The following CNTN4 variants were observed in gnomAD, a reference collection of about 807,000 sequenced individuals.
CNTN4 encodes contactin-4.
In CNTN4, 77 loss-of-function variants were observed where a neutral mutation model predicts 122.5. That is an observed-to-expected ratio of 0.63 (90% CI 0.52 to 0.76). CNTN4 has a LOEUF of 0.76. Ranked by LOEUF, CNTN4 falls within the 30% of genes least tolerant of loss-of-function variation. The pLI, the probability that CNTN4 is intolerant of heterozygous loss-of-function variation, is 0.00. For synonymous variants in CNTN4, 512 were observed against 447.0 expected (o/e 1.15, Z -1.83); for missense variants, 1,256 against 1,259.1 (o/e 1.00, Z 0.04).
chr3:2,190,113 T>A lies in CNTN4; in HGVS notation c.-145+89474T>A, dbSNP rs184245709. 2.0e-5 allele frequency among the ~76,000 whole-genome samples: 3 copies of A among 152,350 alleles called. No homozygotes were observed. In the East Asian group the frequency reaches 5.8e-4, roughly 29 times the overall value. On this transcript the variant is annotated intron_variant, in intron 2 of 24. Transcript: ENST00000418658. ...CCCCAGAGTCCTCTGTGAGTTTATG[T>A]GTGAGCGTTGGCAAGAAGCTTTCTG...
intron 2 of CNTN4, among the ~76,000 whole-genome samples, chr3:2,145,428 C>T (rs2035199255): frequency 6.6e-6 from 1 of 152,166 alleles, no homozygotes; most frequent in Non-Finnish European, 1.5e-5. Flanking sequence ...TCCTTCAGGA[C>T]TGAGATTCAA....
chr3:2,623,228 CTAAT>C (rs2082057181), intron 4 of CNTN4, among the ~76,000 whole-genome samples: 1 of 114,036 alleles, frequency 8.8e-6, no homozygotes, highest in Non-Finnish European at 1.7e-5. Context: ...TTTATGGAGA[CTAAT>C]TTTTTTTTTT....
At chr3:2,312,249 G>A (rs2042942320) in intron 2 of CNTN4, among the ~76,000 whole-genome samples, 1 of 151,912 alleles carries the variant, frequency 6.6e-6, no homozygotes, top group Admixed American at 6.6e-5. Flanking sequence ...AATCACAACA[G>A]GATGGCAGGT....
At chr3:2,305,807 C>T (rs550917510) in intron 2 of CNTN4, among the ~76,000 whole-genome samples, 37 of 152,304 alleles carry the variant, frequency 2.4e-4, no homozygotes, top group Middle Eastern at 6.8e-3. Flanking sequence ...TGTCCATCAA[C>T]TCCTAACAAC....
At chr3:2,705,621 A>T (rs1393067535) in intron 4 of CNTN4, among the ~76,000 whole-genome samples, 1 of 29,860 alleles carries the variant, frequency 3.3e-5, no homozygotes, top group African/African-American at 1.4e-4. Flanking sequence ...ATTTATATAT[A>T]ATATATAAAT....
chr3:2,831,621 A>G (rs1360612503), intron 7 of CNTN4, among the ~76,000 whole-genome samples: 1 of 152,216 alleles, frequency 6.6e-6, no homozygotes, highest in Non-Finnish European at 1.5e-5. Flanking sequence ...AGGTTAACAC[A>G]TTATCACAAT....
chr3:2,585,251 C>G (rs906406646), intron 4 of CNTN4, among the ~76,000 whole-genome samples: 2 of 151,812 alleles, frequency 1.3e-5, no homozygotes, highest in African/African-American at 4.8e-5. Context: ...GGACTGTAAA[C>G]TAGTTCAACC....
At chr3:2,652,194 C>G (rs1240530172) in intron 4 of CNTN4, among the ~76,000 whole-genome samples, 1 of 152,008 alleles carries the variant, frequency 6.6e-6, no homozygotes, top group African/African-American at 2.4e-5. Flanking sequence ...TGCACTGCAG[C>G]CTGGGCAACA....
At chr3:2,141,571 C>G (rs2034997882) in intron 2 of CNTN4, among the ~76,000 whole-genome samples, 1 of 152,130 alleles carries the variant, frequency 6.6e-6, no homozygotes, top group South Asian at 2.1e-4. Flanking sequence ...CTTTAAATTA[C>G]TACATTTGTG....
chr3:2,555,965 TAGAC>T (rs1303121433), intron 3 of CNTN4, among the ~76,000 whole-genome samples: 2 of 152,136 alleles, frequency 1.3e-5, no homozygotes, highest in African/African-American at 4.8e-5. Flanking sequence ...GTTCATCCCT[TAGAC>T]AGATAAGGTG....
chr3:2,245,508 A>G lies in CNTN4; in HGVS notation c.-144-93670A>G, dbSNP rs558733247. Among the ~76,000 whole-genome samples the G allele has an allele frequency of 3.3e-5, 5 of 152,168 alleles. No homozygotes were observed. The East Asian group carries it at 9.7e-4, about 29-fold the overall frequency. The stretch of plus-strand genomic sequence containing the variant: ...TGACCCAGAGGGTGATTGTCCTGCT[A>G]TACTTAATTTTCCAATAACTCCTAT... On this transcript the variant is annotated intron_variant, in intron 2 of 24. Transcript: ENST00000418658.
chr3:2,805,260 C>A (rs12638852), intron 6 of CNTN4, among the ~76,000 whole-genome samples: 38,275 of 151,650 alleles, frequency 0.25, 6,003 homozygotes, highest in East Asian at 0.44. Context: ...AAGCCTGTGG[C>A]AATTCAAGTG....
chr3:3,034,956 T>C (rs1433788784), intron 17 of CNTN4, among the ~76,000 whole-genome samples, 166 bp downstream of exon 17: 1 of 152,194 alleles, frequency 6.6e-6, no homozygotes, highest in Non-Finnish European at 1.5e-5. Flanking sequence ...TATTTTTCTT[T>C]ATATCAAATC....
intron 2 of CNTN4, among the ~76,000 whole-genome samples, chr3:2,138,101 C>G (rs1040171838): frequency 2.0e-5 from 3 of 147,942 alleles, no homozygotes; most frequent in South Asian, 4.3e-4. Context: ...GAGTCTCGCT[C>G]TGTTGCTCAG....
chr3:2,183,387 G>A (rs1032457875), intron 2 of CNTN4, among the ~76,000 whole-genome samples: 2 of 152,102 alleles, frequency 1.3e-5, no homozygotes, highest in Admixed American at 6.6e-5. Flanking sequence ...AGATGAATCC[G>A]TAATAACAAT....
chr3:2,858,547 G>A (rs544241877), intron 7 of CNTN4, among the ~76,000 whole-genome samples: 2 of 151,980 alleles, frequency 1.3e-5, no homozygotes, highest in South Asian at 2.1e-4. Flanking sequence ...CCAAAATGGT[G>A]AAACCCTGTC....
At chr3:3,046,251 A>G (rs1293618464) in intron 23 of CNTN4, among the ~76,000 whole-genome samples, 2 of 152,212 alleles carry the variant, frequency 1.3e-5, no homozygotes, top group Non-Finnish European at 2.9e-5. Context: ...AGGCAGGCCA[A>G]CATTCAAATT....
At chr3:2,591,012 C>T (rs2080445627) in intron 4 of CNTN4, among the ~76,000 whole-genome samples, 3 of 152,248 alleles carry the variant, frequency 2.0e-5, no homozygotes, top group East Asian at 3.9e-4. Flanking sequence ...TCCAGGAGGT[C>T]CCTTTGTGGA....
intron 4 of CNTN4, among the ~76,000 whole-genome samples, chr3:2,728,123 A>G (rs913262896): frequency 1.3e-5 from 2 of 152,198 alleles, no homozygotes; most frequent in African/African-American, 4.8e-5. Flanking sequence ...TAGTAATGAT[A>G]GTGTGACAGC....
Sources: allele counts gnomAD v4.1 joint callset (sites outside exome capture counted in the v4.1 genomes callset), GRCh38; gene constraint gnomAD v4.1.1; transcripts MANE v1.5; gene names NCBI Gene and HGNC (gene_info 2026-07-23, HGNC 2026-07-21).